The following QTMAN variants were observed in gnomAD, a reference collection of about 807,000 sequenced individuals.
QTMAN encodes tRNA-queuosine alpha-mannosyltransferase.
chr2:144,089,323 G>C, the QTMAN span, among the ~76,000 whole-genome samples: 2 of 151,986 alleles, frequency 1.3e-5, no homozygotes, highest in Non-Finnish European at 2.9e-5. Context: ...CAGAGAAAAG[G>C]GAACTCCTAT....
the QTMAN span, among the ~76,000 whole-genome samples, chr2:144,018,046 C>T: frequency 3.3e-5 from 5 of 152,134 alleles, no homozygotes; most frequent in Admixed American, 1.3e-4. Context: ...TATATTCCTC[C>T]ATTTCTATTA....
the QTMAN span, among the ~76,000 whole-genome samples, chr2:144,293,752 AAC>A: frequency 6.6e-6 from 1 of 152,210 alleles, no homozygotes; most frequent in Admixed American, 6.5e-5. Flanking sequence ...TATATACATA[AAC>A]AGATTTAAGC....
the QTMAN span, among the ~76,000 whole-genome samples, chr2:144,105,333 T>C: frequency 6.6e-6 from 1 of 152,104 alleles, no homozygotes; most frequent in African/African-American, 2.4e-5. Flanking sequence ...TTCAAACCCA[T>C]TGCAAAGAAG....
the QTMAN span, among the ~76,000 whole-genome samples, chr2:144,182,873 T>TTA: frequency 1.0e-4 from 7 of 68,904 alleles, no homozygotes; most frequent in African/African-American, 2.7e-4. Flanking sequence ...TATATATATA[T>TTA]TATATATATA....
chr2:144,261,837 CCTT>C, the QTMAN span, among the ~76,000 whole-genome samples: 1 of 152,202 alleles, frequency 6.6e-6, no homozygotes, highest in African/African-American at 2.4e-5. Context: ...TTATGTATCA[CCTT>C]CTTTTTATTT....
the QTMAN span, among the ~76,000 whole-genome samples, chr2:144,153,534 C>T: frequency 5.3e-5 from 8 of 151,814 alleles, no homozygotes; most frequent in African/African-American, 7.3e-5. Flanking sequence ...ACTAAAAATA[C>T]GAAAAAATTT....
At chr2:144,133,421 TATATATA>T in the QTMAN span, among the ~76,000 whole-genome samples, 2,894 of 54,760 alleles carry the variant, frequency 0.053, 126 homozygotes, top group East Asian at 0.27. Context: ...TTATATATAA[TATATATA>T]ATATATAATA....
the QTMAN span, among the ~76,000 whole-genome samples, chr2:144,264,509 T>C: frequency 6.6e-6 from 1 of 152,148 alleles, no homozygotes; most frequent in South Asian, 2.1e-4. Context: ...ACCACATGGA[T>C]CAAAACAGAG....
the QTMAN span, chr2:144,332,635 C>G: frequency 1.3e-5 from 2 of 151,330 alleles, no homozygotes; most frequent in Admixed American, 1.3e-4. Context: ...GGCTCCGCCT[C>G]TCTGCGCCGC....
chr2:144,140,425 A>G, the QTMAN span, among the ~76,000 whole-genome samples: 3 of 152,036 alleles, frequency 2.0e-5, no homozygotes, highest in African/African-American at 7.2e-5. Flanking sequence ...TATTAAAAAA[A>G]CTTAAAACGT....
At chr2:144,300,890 T>G in the QTMAN span, among the ~76,000 whole-genome samples, 1 of 152,202 alleles carries the variant, frequency 6.6e-6, no homozygotes, top group African/African-American at 2.4e-5. Context: ...AATGCAAATT[T>G]GTGAACCAGA....
the QTMAN span, among the ~76,000 whole-genome samples, chr2:144,090,008 A>G: frequency 6.6e-6 from 1 of 152,166 alleles, no homozygotes; most frequent in African/African-American, 2.4e-5. Flanking sequence ...TTTAAAAAAT[A>G]TATGTCCAAG....
the QTMAN span, among the ~76,000 whole-genome samples, chr2:144,146,444 G>A: frequency 6.6e-6 from 1 of 151,450 alleles, no homozygotes. Flanking sequence ...GAAACTGAAA[G>A]CTTGCCTATC....
At chr2:144,066,220 G>C in the QTMAN span, among the ~76,000 whole-genome samples, 1 of 151,548 alleles carries the variant, frequency 6.6e-6, no homozygotes, top group Non-Finnish European at 1.5e-5. Context: ...AAAGCTAGGG[G>C]AAGTGTTTGG....
At chr2:144,278,323 A>G in the QTMAN span, among the ~76,000 whole-genome samples, 5,870 of 152,104 alleles carry the variant, frequency 0.039, 352 homozygotes, top group African/African-American at 0.13. Flanking sequence ...AGTTACTTAG[A>G]CTCTTGGTTT....
chr2:144,111,954 T>C, the QTMAN span, among the ~76,000 whole-genome samples: 2 of 152,202 alleles, frequency 1.3e-5, no homozygotes, highest in African/African-American at 2.4e-5. Context: ...GTGAAGTATT[T>C]TACTCGGGTT....
At chr2:144,064,349 G>A in the QTMAN span, among the ~76,000 whole-genome samples, 1 of 152,156 alleles carries the variant, frequency 6.6e-6, no homozygotes, top group East Asian at 1.9e-4. Flanking sequence ...AAGTCAGATT[G>A]ATTACATTCA....
chr2:144,235,978 A>AATTATT, the QTMAN span, among the ~76,000 whole-genome samples: 19 of 150,768 alleles, frequency 1.3e-4, no homozygotes, highest in Non-Finnish European at 2.4e-4. Flanking sequence ...TAATAATAAT[A>AATTATT]ATTATTATTA....
chr2:144,279,556 T>C, the QTMAN span, among the ~76,000 whole-genome samples: 1 of 152,188 alleles, frequency 6.6e-6, no homozygotes, highest in Admixed American at 6.5e-5. Context: ...AAACATTCCC[T>C]GGCCTCATCC....
Sources: gnomAD v4.1 joint callset for allele counts (sites outside exome capture counted in the v4.1 genomes callset) on GRCh38, gnomAD v4.1.1 for gene constraint, MANE v1.5 for transcripts, NCBI Gene and HGNC (gene_info 2026-07-23, HGNC 2026-07-21) for gene names.